The following SMIM14 variants were observed in gnomAD, a reference collection of about 807,000 sequenced individuals.
The protein encoded by SMIM14 is small integral membrane protein 14, also known as chromosome 4 open reading frame 34.
In SMIM14, 5 loss-of-function variants were observed where a neutral mutation model predicts 12.6. That is an observed-to-expected ratio of 0.40 (90% CI 0.21 to 0.83). The LOEUF (loss-of-function observed/expected upper bound fraction) is 0.83. Ranked by LOEUF, SMIM14 falls within the 40% of genes least tolerant of loss-of-function variation. The pLI, the probability that SMIM14 is intolerant of heterozygous loss-of-function variation, is 0.37. For missense variants in SMIM14, 86 were observed against 119.1 expected, an observed-to-expected ratio of 0.72 and a Z score of 1.29; for synonymous variants, 30 against 40.1, an observed-to-expected ratio of 0.75 and a Z score of 0.95.
chr4:39,552,204 T>C (rs1711753643), intron 4 of SMIM14, 46 bp from the exon 5 acceptor site: 1 of 1,474,266 alleles, frequency 6.8e-7, no homozygotes, highest in Non-Finnish European at 9.1e-7. Flanking sequence ...TTTTAAAAAT[T>C]CAAAAAAATT....
chr4:39,563,451 G>T (rs1489543217), intron 3 of SMIM14, among the ~76,000 whole-genome samples: 1 of 152,212 alleles, frequency 6.6e-6, no homozygotes, highest in African/African-American at 2.4e-5. Context: ...CTAAGGCACT[G>T]CCTAAGACCA....
chr4:39,565,855 A>T (rs895943692), intron 3 of SMIM14, among the ~76,000 whole-genome samples: 4 of 151,882 alleles, frequency 2.6e-5, no homozygotes, highest in African/African-American at 9.7e-5. Flanking sequence ...CGCTCTTCTC[A>T]TGATAGTAAA....
chr4:39,571,294 G>C (rs1712866523), intron 3 of SMIM14, among the ~76,000 whole-genome samples: 1 of 152,020 alleles, frequency 6.6e-6, no homozygotes, highest in African/African-American at 2.4e-5. Context: ...AAGTTCTCAA[G>C]TGGCTGGGCA....
intron 1 of SMIM14, among the ~76,000 whole-genome samples, chr4:39,625,138 AC>A (rs1188680143): frequency 6.7e-6 from 1 of 148,730 alleles, no homozygotes; most frequent in African/African-American, 2.5e-5. Context: ...GAACTGCTTG[AC>A]CCTAGGAGGT....
chr4:39,589,912 C>T (rs898771999), intron 2 of SMIM14, among the ~76,000 whole-genome samples: 1 of 149,416 alleles, frequency 6.7e-6, no homozygotes, highest in African/African-American at 2.5e-5. Flanking sequence ...TGGTGGCGTG[C>T]ACCTGTAATC....
Position 39,581,518 on chromosome 4 carries a change from C to CTTTTT in SMIM14, c.76-9060_76-9056dup, listed in dbSNP as rs1432369898. ...TTTTCGTTTTTTTCCTTTTCTTTTT[C>CTTTTT]TTTTTTTTTTTTTTTGAGACAGGGT... On this transcript the variant is annotated intron_variant, in intron 2 of 4. Transcript: ENST00000295958. Among the ~76,000 whole-genome samples, 770 of 132,070 alleles carry CTTTTT rather than the reference C, an allele frequency of 5.8e-3. 19 individuals carry two copies. The highest frequency in any genetic ancestry group is 0.018 in the African/African-American group (652 of 36,772). 86.6% of individuals were successfully genotyped at this position (132,070 alleles called of 152,430 possible).
At chr4:39,632,622 C>T (rs2109259020) in intron 1 of SMIM14, among the ~76,000 whole-genome samples, 1 of 150,932 alleles carries the variant, frequency 6.6e-6, no homozygotes, top group East Asian at 2.0e-4. Flanking sequence ...TGCAAAACCC[C>T]AACTCTACAA....
intron 1 of SMIM14, among the ~76,000 whole-genome samples, chr4:39,629,449 A>ATT (rs10686216): frequency 0.56 from 71,910 of 129,420 alleles, 20,397 homozygotes; most frequent in East Asian, 0.78. Flanking sequence ...CTTATAAATG[A>ATT]TTTTTTTTTT....
chr4:39,624,103 T>TA lies in SMIM14; in HGVS notation c.-36+14635dup, dbSNP rs773219656. On this transcript the variant is annotated intron_variant, in intron 1 of 4. Coordinates refer to ENST00000295958, the MANE Select transcript of SMIM14 (RefSeq NM_174921.3). ...ATCAATAAGTAGTTGGGATGACTTT[T>TA]ATCAGATTACCCAAAGTCTCAGTAT... Among the ~76,000 whole-genome samples the TA allele has an allele frequency of 3.4e-4, 51 of 152,210 alleles. 1 individual carries two copies. Among genetic ancestry groups the TA allele is most frequent in the Non-Finnish European group, 8.8e-5 (6 of 68,034 alleles).
chr4:39,638,657 G>A, intron 1 of SMIM14, 82 bp downstream of exon 1: 1 of 976,794 alleles, frequency 1.0e-6, no homozygotes, highest in East Asian at 1.1e-4. Flanking sequence ...CAGTCCCCGA[G>A]AGCCTGAGGA....
intron 1 of SMIM14, among the ~76,000 whole-genome samples, chr4:39,631,017 G>C (rs2109257236): frequency 6.6e-6 from 1 of 152,206 alleles, no homozygotes; most frequent in South Asian, 2.1e-4. Context: ...GAGTAACAAA[G>C]CAGCAAAATA....
At chr4:39,604,562 CAAT>C (rs1375798263) in intron 2 of SMIM14, among the ~76,000 whole-genome samples, 1 of 151,518 alleles carries the variant, frequency 6.6e-6, no homozygotes, top group Non-Finnish European at 1.5e-5. Flanking sequence ...ATAATAATAA[CAAT>C]AATAAAGACG....
At chr4:39,570,833 A>G (rs1056801081) in intron 3 of SMIM14, among the ~76,000 whole-genome samples, 1 of 152,032 alleles carries the variant, frequency 6.6e-6, no homozygotes, top group Non-Finnish European at 1.5e-5. Flanking sequence ...AATAAATAGT[A>G]AGACAAATAT....
chr4:39,632,775 TCACACACACACACACACACACACACA>T (rs369057968), intron 1 of SMIM14, among the ~76,000 whole-genome samples: 5 of 115,014 alleles, frequency 4.3e-5, no homozygotes, highest in South Asian at 3.4e-4. Context: ...GAGACTCCCG[TCACACACACACACACACACACACACA>T]CACACACACA....
At chr4:39,581,520 T>TTTTTTTTTC (rs1713494155) in intron 2 of SMIM14, among the ~76,000 whole-genome samples, 1 of 145,040 alleles carries the variant, frequency 6.9e-6, no homozygotes, top group African/African-American at 2.5e-5. Flanking sequence ...TTCTTTTTCT[T>TTTTTTTTTC]TTTTTTTTTT....
intron 1 of SMIM14, among the ~76,000 whole-genome samples, chr4:39,615,699 TA>T (rs1167645101): frequency 6.6e-6 from 1 of 152,028 alleles, no homozygotes; most frequent in Non-Finnish European, 1.5e-5. Flanking sequence ...AATGATATTT[TA>T]AAAAAATAAA....
intron 2 of SMIM14, among the ~76,000 whole-genome samples, chr4:39,596,039 C>G (rs554575598): frequency 6.6e-6 from 1 of 152,168 alleles, no homozygotes; most frequent in South Asian, 2.1e-4. Context: ...AAGAGTATGC[C>G]TCCTGCTCCT....
chr4:39,585,938 G>C (rs1713763084), intron 2 of SMIM14, among the ~76,000 whole-genome samples: 1 of 152,032 alleles, frequency 6.6e-6, no homozygotes, highest in Admixed American at 6.6e-5. Flanking sequence ...TTCTTCCCTT[G>C]CCTTGAAGAA....
At chr4:39,631,975 T>C (rs776705696) in intron 1 of SMIM14, among the ~76,000 whole-genome samples, 10 of 151,964 alleles carry the variant, frequency 6.6e-5, no homozygotes, top group Non-Finnish European at 1.5e-4. Flanking sequence ...AAGGTAACTT[T>C]CTCCAAAACA....
Sources: allele counts gnomAD v4.1 joint callset (sites outside exome capture counted in the v4.1 genomes callset), GRCh38; gene constraint gnomAD v4.1.1; transcripts MANE v1.5; gene names NCBI Gene and HGNC (gene_info 2026-07-23, HGNC 2026-07-21).